XRCC1: variants seen among roughly 807,000 people sequenced by gnomAD.
XRCC1 encodes the protein DNA repair protein XRCC1.
Under a neutral mutation model 83.3 loss-of-function variants are expected in XRCC1, and 52 were observed. The ratio of observed to expected loss-of-function variants is 0.62; its 90% CI spans 0.50 to 0.79. XRCC1 has a LOEUF of 0.79. Among genes scored for constraint, XRCC1 ranks in the 30% least tolerant of loss-of-function variants. The probability of loss-of-function intolerance (pLI) is 0.00; values close to 1 mark genes in which losing one functional copy is unlikely to be tolerated. For synonymous variants in XRCC1, 281 were observed against 312.6 expected, an observed-to-expected ratio of 0.90 and a Z score of 1.07; for missense variants, 793 against 823.5, an observed-to-expected ratio of 0.96 and a Z score of 0.45.
At chr19:43,558,829 CTTT>C (rs1233920680) in intron 3 of XRCC1, among the ~76,000 whole-genome samples, 1 of 142,476 alleles carries the variant, frequency 7.0e-6, no homozygotes. Flanking sequence ...AAAGGCAAGT[CTTT>C]TTTTTTTTTT....
chr19:43,544,772 T>A (rs1297606567), intron 14 of XRCC1, among the ~76,000 whole-genome samples: 1 of 151,810 alleles, frequency 6.6e-6, no homozygotes, highest in Admixed American at 6.6e-5. Flanking sequence ...GCCTCCTGAG[T>A]AGCCAGGACT....
chr19:43,553,706 C>T (rs1418098684), intron 4 of XRCC1, 23 bp from the exon 5 acceptor site: 2 of 1,519,592 alleles, frequency 1.3e-6, no homozygotes, highest in South Asian at 1.3e-5. Flanking sequence ...GGGTGGGAGT[C>T]AGGGAGTCTG....
At chr19:43,562,733 A>G (rs541883943) in intron 2 of XRCC1, among the ~76,000 whole-genome samples, 2 of 151,952 alleles carry the variant, frequency 1.3e-5, no homozygotes, top group African/African-American at 4.8e-5. Flanking sequence ...GAGTGATGAG[A>G]CCTTGTCTTC....
intron 14 of XRCC1, 91 bp from the exon 15 acceptor site, chr19:43,544,325 G>A: frequency 8.8e-7 from 1 of 1,139,302 alleles, no homozygotes; most frequent in Non-Finnish European, 1.3e-6. Flanking sequence ...AGCAGCTGAG[G>A]AGAGGGCTGT....
At chr19:43,557,307 C>CAAAAAAAAAAAAAAAAAAAAAAAAAA in intron 3 of XRCC1, among the ~76,000 whole-genome samples, 1 of 77,866 alleles carries the variant, frequency 1.3e-5, no homozygotes. Flanking sequence ...GACTCCGTCT[C>CAAAAAAAAAAAAAAAAAAAAAAAAAA]AAAAAAAAAA....
At position 43,565,073 on chromosome 19, in the gene XRCC1, C is replaced by T. The variant is rs758270853; in HGVS notation, c.145-4053G>A. On this transcript the variant is annotated intron_variant, in intron 2 of 16. Coordinates refer to ENST00000262887, the MANE Select transcript of XRCC1 (RefSeq NM_006297.3). Reference sequence around the variant, plus strand: ...CTCTGGTTCCAGCTCTCTTGCCTCCCTCTTTCCCTTATAAGGCCTCTGGGG... The same window carrying T: ...CTCTGGTTCCAGCTCTCTTGCCTCCTTCTTTCCCTTATAAGGCCTCTGGGG... Among the ~76,000 whole-genome samples the T allele has an allele frequency of 2.6e-5, 4 of 152,154 alleles. No homozygotes were observed. The East Asian group carries it at 7.7e-4, about 29-fold the overall frequency.
intron 2 of XRCC1, among the ~76,000 whole-genome samples, chr19:43,569,474 T>TC (rs1972786575): frequency 3.1e-5 from 2 of 64,418 alleles, no homozygotes; most frequent in East Asian, 7.6e-4. Flanking sequence ...AGACCCTGTC[T>TC]CAAAAAAAAA....
chr19:43,551,252 G>A (rs201054425), intron 10 of XRCC1, among the ~76,000 whole-genome samples: 2 of 152,254 alleles, frequency 1.3e-5, no homozygotes, highest in East Asian at 3.8e-4. Context: ...ACAGGCGTGA[G>A]CCACTGCACC....
chr19:43,551,812 G>A (rs1600047456), intron 9 of XRCC1, 125 bp from the exon 10 acceptor site: 1 of 1,006,982 alleles, frequency 9.9e-7, no homozygotes, highest in Non-Finnish European at 1.5e-6. Flanking sequence ...GATTGAGGTG[G>A]GAGAAACAAA....
At position 43,552,994 on chromosome 19, in the gene XRCC1, G is replaced by A. The variant is rs1469166941; in HGVS notation, c.699C>T (p.Gly233=). 6.2e-7 allele frequency: 1 copy of A among 1,603,504 alleles called. No homozygotes were observed. The highest frequency in any genetic ancestry group is 8.5e-7 in the Non-Finnish European group (1 of 1,175,452). Residue 233 remains glycine, a synonymous_variant, in exon 7 of 17, where the codon GGC becomes GGT. Transcript: ENST00000262887. The part of the protein sequence containing the change: ...SSASPVSRAI[G]STSKPQESPK... ...CTGATGATTTCACCTTGGAGGTGCT[G>A]CCTATGGCCCTGGAGACTGGAGAGG...
intron 1 of XRCC1, 25 bp from the exon 2 acceptor site, chr19:43,575,027 A>T: frequency 1.9e-6 from 3 of 1,586,794 alleles, no homozygotes; most frequent in Non-Finnish European, 2.6e-6. Flanking sequence ...GGGAGAGGAG[A>T]ATTAGGGCAC....
intron 10 of XRCC1, among the ~76,000 whole-genome samples, chr19:43,547,224 A>G (rs1972521828): frequency 6.7e-6 from 1 of 149,370 alleles, no homozygotes; most frequent in Admixed American, 6.7e-5. Flanking sequence ...AGTCCATTCC[A>G]TCGCCAGGCT....
Position 43,546,939 on chromosome 19 carries a change from T to A in XRCC1, c.1238A>T (p.Asp413Val), listed in dbSNP as rs984046542. 1 of 1,613,846 alleles carries A rather than the reference T, an allele frequency of 6.2e-7. No individual in the cohort carries two copies. The highest frequency in any genetic ancestry group is 8.5e-7 in the Non-Finnish European group (1 of 1,179,986). The change falls in exon 11 of 17, where the codon GAT becomes GTT. Residue 413 changes from aspartate (D) to valine (V), a missense_variant. Physicochemically the swap from Asp to Val is radical, Grantham distance 152 (BLOSUM62 -3). Transcript: ENST00000262887. Reference protein sequence around the residue: ...MAGPGSSSEEDEASHSGGSGD... With the variant: ...MAGPGSSSEEVEASHSGGSGD... Reference sequence around the variant, plus strand: ...GCTGCCACCGCTGTGAGAGGCCTCATCCTCCTCACTGCTGGAACCTGGCCC... The same window carrying A: ...GCTGCCACCGCTGTGAGAGGCCTCAACCTCCTCACTGCTGGAACCTGGCCC...
rs200053267 is a variant in XRCC1, at chr19:43,543,807, C to T, written c.1713-120G>A. 1.3e-3 allele frequency: 1,057 copies of T among 844,896 alleles called. 7 individuals carry two copies. Among genetic ancestry groups the T allele is most frequent in the East Asian group, 3.9e-3 (150 of 38,866 alleles). The allele number at this position is 844,896 out of a possible 1,614,324, so 52.3% of individuals were successfully genotyped here. A position where few individuals can be genotyped will look rare whatever the true frequency, so the allele number is the denominator to read the frequency against. ...TCCCCACCTATGCGCCTCTAGGTTG[C>T]CTCTAGGCTCCATTCTTTCATGTAT... On this transcript the variant is annotated intron_variant, in intron 15 of 16. Coordinates refer to ENST00000262887, the MANE Select transcript of XRCC1 (RefSeq NM_006297.3).
At position 43,543,394 on chromosome 19, in the gene XRCC1, A is replaced by C; in HGVS notation, c.1900T>G (p.Ter634GlyextTer?). The C allele has an allele frequency of 6.3e-7, 1 of 1,596,846 alleles. No individual in the cohort carries two copies. Among genetic ancestry groups the C allele is most frequent in the Non-Finnish European group, 8.5e-7 (1 of 1,172,910 alleles). The change falls in exon 17 of 17, where the codon TGA becomes GGA. Residue 634 changes from the stop codon to glycine, a stop_lost. Coordinates refer to ENST00000262887, the MANE Select transcript of XRCC1 (RefSeq NM_006297.3). The stretch of plus-strand genomic sequence containing the variant: ...TGTGTGTGTGTATAGCACATACTTC[A>C]GGCTTGCGGCACCACCCCATAGAGC... ...HQLYGVVPQA[*>G]
Position 43,553,465 on chromosome 19 carries a change from A to C in XRCC1, c.537T>G (p.Asp179Glu), listed in dbSNP as rs1568514143. 6.2e-7 allele frequency: 1 copy of C among 1,614,162 alleles called. No individual in the cohort carries two copies. Among genetic ancestry groups the C allele is most frequent in the Non-Finnish European group, 8.5e-7 (1 of 1,180,018 alleles). ...KLGQFRVKEE[D>E]ESANSLRPGA... ...CCGGCCTCAGAGAGTTGGCGCTCTC[A>C]TCCTCCTCCTTCACACGGAACTGGC... The change falls in exon 6 of 17, where the codon GAT becomes GAG. Residue 179 changes from aspartate (D) to glutamate (E), a missense_variant. Coordinates refer to ENST00000262887, the MANE Select transcript of XRCC1 (RefSeq NM_006297.3).
At chr19:43,558,185 C>A (rs1380094434) in intron 3 of XRCC1, among the ~76,000 whole-genome samples, 3 of 152,022 alleles carry the variant, frequency 2.0e-5, no homozygotes, top group South Asian at 2.1e-4. Flanking sequence ...CTGACTAGTG[C>A]AAAGTTGGGC....
chr19:43,546,522 A>G, intron 12 of XRCC1, 73 bp downstream of exon 12: 1 of 1,495,004 alleles, frequency 6.7e-7, no homozygotes, highest in Non-Finnish European at 9.0e-7. Context: ...CAGACTCAGG[A>G]GCCCAGGCCG....
chr19:43,549,292 G>A (rs1043284818), intron 10 of XRCC1, among the ~76,000 whole-genome samples: 10 of 151,814 alleles, frequency 6.6e-5, no homozygotes, highest in African/African-American at 2.2e-4. Context: ...ACAGAGTCTC[G>A]CTCTGTCCCC....
Sources: allele counts gnomAD v4.1 joint callset (sites outside exome capture counted in the v4.1 genomes callset), GRCh38; gene constraint gnomAD v4.1.1; transcripts MANE v1.5; gene names NCBI Gene and HGNC (gene_info 2026-07-23, HGNC 2026-07-21).